Variants in PLXDC2 observed in about 807,000 individuals in gnomAD.
PLXDC2 encodes plexin domain containing 2, also known as plexin domain-containing protein 2.
In PLXDC2, 40 loss-of-function variants were observed where a neutral mutation model predicts 68.9. The observed-to-expected ratio is 0.58, with a 90% CI of 0.45 to 0.76. The LOEUF (loss-of-function observed/expected upper bound fraction) is 0.76. PLXDC2 is among the 30% of genes least tolerant of loss of function. PLXDC2 has a pLI of 0.00. For missense variants in PLXDC2, 644 were observed against 661.9 expected (o/e 0.97, Z 0.30); for synonymous variants, 243 against 234.2 (o/e 1.04, Z -0.34).
At chr10:19,950,741 A>C (rs1310206476) in intron 1 of PLXDC2, among the ~76,000 whole-genome samples, 1 of 152,188 alleles carries the variant, frequency 6.6e-6, no homozygotes, top group Non-Finnish European at 1.5e-5. Flanking sequence ...ACATTACTTG[A>C]CTTCAAACAT....
At chr10:20,199,090 T>C (rs12780428) in intron 9 of PLXDC2, among the ~76,000 whole-genome samples, 36,864 of 151,966 alleles carry the variant, frequency 0.24, 5,866 homozygotes, top group Middle Eastern at 0.36. Context: ...AACTAAAACA[T>C]AGTCAAATAA....
At chr10:20,200,631 G>A (rs1399574583) in intron 9 of PLXDC2, among the ~76,000 whole-genome samples, 1 of 152,034 alleles carries the variant, frequency 6.6e-6, no homozygotes, top group Non-Finnish European at 1.5e-5. Flanking sequence ...CTGTTCATCT[G>A]ACAGAAGATT....
In PLXDC2 at chr10:19,835,546, C is replaced by A. The variant is rs141508934; in HGVS notation, c.112+18355C>A. 3.4e-3 allele frequency among the ~76,000 whole-genome samples: 517 copies of A among 152,182 alleles called. 6 individuals are homozygous for A. Among genetic ancestry groups the A allele is most frequent in the Middle Eastern group, 0.027 (8 of 294 alleles). ...TCAGCAGGGAGGGCTCAGATGAGTTCAGGATGTCAAATCATCGAGGTGTAT... is the reference window on the plus strand; with the variant it reads ...TCAGCAGGGAGGGCTCAGATGAGTTAAGGATGTCAAATCATCGAGGTGTAT... On this transcript the variant is annotated intron_variant, in intron 1 of 13. Coordinates refer to ENST00000377252, the MANE Select transcript of PLXDC2 (RefSeq NM_032812.9).
At chr10:20,221,001 C>T (rs1051714241) in intron 12 of PLXDC2, among the ~76,000 whole-genome samples, 3 of 151,864 alleles carry the variant, frequency 2.0e-5, no homozygotes, top group Admixed American at 2.0e-4. Flanking sequence ...CACCACTACG[C>T]CTGGCTAATT....
At chr10:20,105,200 T>C (rs910489888) in intron 4 of PLXDC2, among the ~76,000 whole-genome samples, 2 of 152,158 alleles carry the variant, frequency 1.3e-5, no homozygotes, top group African/African-American at 4.8e-5. Context: ...TGGCATATGG[T>C]GAAATAGTAT....
At chr10:19,939,660 A>T (rs1414750897) in intron 1 of PLXDC2, among the ~76,000 whole-genome samples, 1 of 152,176 alleles carries the variant, frequency 6.6e-6, no homozygotes, top group East Asian at 1.9e-4. Flanking sequence ...TCCCTTTGGA[A>T]AAATGTCATG....
intron 1 of PLXDC2, among the ~76,000 whole-genome samples, chr10:19,996,614 A>G (rs1249932845): frequency 6.6e-6 from 1 of 152,164 alleles, no homozygotes; most frequent in Non-Finnish European, 1.5e-5. Flanking sequence ...CAAACAGGCT[A>G]GGAAGCCAGG....
chr10:20,079,175 T>A (rs994180879), intron 4 of PLXDC2, among the ~76,000 whole-genome samples: 1 of 151,908 alleles, frequency 6.6e-6, no homozygotes, highest in African/African-American at 2.4e-5. Context: ...ATCAAACAAC[T>A]CCATCAAAAT....
chr10:20,253,280 A>T (rs2119350305), intron 13 of PLXDC2, among the ~76,000 whole-genome samples: 1 of 151,700 alleles, frequency 6.6e-6, no homozygotes, highest in Non-Finnish European at 1.5e-5. Context: ...CAGGAGAATC[A>T]CTTGAACCTG....
intron 4 of PLXDC2, among the ~76,000 whole-genome samples, chr10:20,113,042 T>C (rs1440752421): frequency 6.6e-6 from 1 of 152,236 alleles, no homozygotes; most frequent in Non-Finnish European, 1.5e-5. Context: ...GTTTCATGGT[T>C]AGTTTAGCAG....
In PLXDC2 at chr10:20,015,814, A is replaced by T. The variant is rs563680672; in HGVS notation, c.324+13828A>T. 9.2e-5 allele frequency among the ~76,000 whole-genome samples: 14 copies of T among 152,330 alleles called. No homozygotes were observed. The South Asian group carries it at 1.4e-3, about 16-fold the overall frequency. On this transcript the variant is annotated intron_variant, in intron 2 of 13. Coordinates refer to ENST00000377252, the MANE Select transcript of PLXDC2 (RefSeq NM_032812.9). The stretch of plus-strand genomic sequence containing the variant: ...TCCTCATTGGCCTCCTTCCAATACA[A>T]GCACATAAATCCCCGTGAGCCTTGT...
intron 9 of PLXDC2, among the ~76,000 whole-genome samples, chr10:20,210,038 C>T (rs1835048374): frequency 6.6e-6 from 1 of 152,268 alleles, no homozygotes; most frequent in South Asian, 2.1e-4. Flanking sequence ...CTTCCCGCAA[C>T]ACATAAGTAC....
At chr10:20,029,979 T>C (rs1195980357) in intron 2 of PLXDC2, among the ~76,000 whole-genome samples, 1 of 152,202 alleles carries the variant, frequency 6.6e-6, no homozygotes, top group Non-Finnish European at 1.5e-5. Flanking sequence ...ATTTGGCTTT[T>C]AAATTCTTAT....
At chr10:19,880,113 C>G (rs1434396030) in intron 1 of PLXDC2, among the ~76,000 whole-genome samples, 1 of 152,128 alleles carries the variant, frequency 6.6e-6, no homozygotes, top group East Asian at 1.9e-4. Flanking sequence ...GGTGACTACT[C>G]TTTGACGTGT....
chr10:20,164,650 G>A, intron 7 of PLXDC2, 83 bp downstream of exon 7: 3 of 1,009,966 alleles, frequency 3.0e-6, no homozygotes, highest in Non-Finnish European at 3.1e-6. Flanking sequence ...AGCTGTACCT[G>A]AATTAAAAAA....
In PLXDC2 at chr10:20,217,477, A is replaced by T; in HGVS notation, c.1174A>T (p.Thr392Ser). Residue 392 changes from threonine (T) to serine (S), a missense_variant, in exon 11 of 14, where the codon ACC (threonine) becomes TCC (serine). Thr to Ser is a moderately conservative substitution (Grantham distance 58). This residue lies in a region of PLXDC2 where 330 missense variants were observed against 327.9 expected (regional missense o/e 1.01). Coordinates refer to ENST00000377252, the MANE Select transcript of PLXDC2 (RefSeq NM_032812.9). ...NTEPVETSSR[T>S]TTTVGATTTQ... ...AGAACCAGTGGAAACTTCTTCTCGA[A>T]CCACCACAACCGTAGGAGCGACAAC... 6.2e-7 allele frequency: 1 copy of T among 1,612,674 alleles called. No individual in the cohort carries two copies. The highest frequency in any genetic ancestry group is 8.5e-7 in the Non-Finnish European group (1 of 1,179,138).
At chr10:20,256,110 CT>C (rs968631381) in intron 13 of PLXDC2, among the ~76,000 whole-genome samples, 34 of 150,736 alleles carry the variant, frequency 2.3e-4, no homozygotes, top group African/African-American at 6.6e-4. Flanking sequence ...TTCTATTCAA[CT>C]TTTTTTTTGT....
In PLXDC2 at chr10:20,030,148, G is replaced by A. The variant is rs139395955; in HGVS notation, c.325-16721G>A. Among the ~76,000 whole-genome samples the A allele has an allele frequency of 1.3e-3, 191 of 152,256 alleles. 1 individual carries two copies. The highest frequency in any genetic ancestry group is 4.4e-3 in the African/African-American group (182 of 41,572). Reference sequence around the variant, plus strand: ...GGGTACAGCATCTCTTTGGGGCAGAGTGGCCATATAGTTACACGTAGCCAG... The same window carrying A: ...GGGTACAGCATCTCTTTGGGGCAGAATGGCCATATAGTTACACGTAGCCAG... On this transcript the variant is annotated intron_variant, in intron 2 of 13. Coordinates refer to ENST00000377252, the MANE Select transcript of PLXDC2 (RefSeq NM_032812.9).
chr10:20,139,341 G>A (rs1328189530), intron 4 of PLXDC2, among the ~76,000 whole-genome samples: 2 of 152,190 alleles, frequency 1.3e-5, no homozygotes, highest in South Asian at 2.1e-4. Context: ...TTAAATGAAG[G>A]TGTCTTTCTC....
Sources: gnomAD v4.1 joint callset for allele counts (sites outside exome capture counted in the v4.1 genomes callset) on GRCh38, gnomAD v4.1.1 for gene constraint, gnomAD v4.1.1 regional missense constraint, MANE v1.5 for transcripts, NCBI Gene and HGNC (gene_info 2026-07-23, HGNC 2026-07-21) for gene names.